TENM2: variants seen among roughly 807,000 people sequenced by gnomAD.
TENM2 encodes teneurin-2.
In TENM2, 52 loss-of-function variants were observed where a neutral mutation model predicts 245.2. The observed-to-expected ratio is 0.21, with a 90% confidence interval of 0.17 to 0.27. The LOEUF (loss-of-function observed/expected upper bound fraction) is 0.27, where lower values mean the gene tolerates loss of function less well. Ranked by LOEUF, TENM2 falls within the 10% of genes least tolerant of loss-of-function variation. TENM2 has a pLI of 1.00. For missense variants in TENM2, 3,046 were observed against 3,666.8 expected (o/e 0.83, Z 4.37); for synonymous variants, 1,363 against 1,438.9 (o/e 0.95, Z 1.19).
chr5:167,533,106 C>T (rs964442767), intron 2 of TENM2, among the ~76,000 whole-genome samples: 8 of 151,816 alleles, frequency 5.3e-5, no homozygotes, highest in East Asian at 1.9e-4. Flanking sequence ...AGACCCTCAC[C>T]GTTAGAGATA....
chr5:167,860,069 A>G (rs1243173372), intron 2 of TENM2, among the ~76,000 whole-genome samples: 10,894 of 21,070 alleles, frequency 0.52, 3,001 homozygotes, highest in Non-Finnish European at 0.74. Context: ...GGGGGGGGTC[A>G]GCCCCCCTGC....
chr5:167,660,650 C>T (rs1380276975), intron 2 of TENM2, among the ~76,000 whole-genome samples: 1 of 151,466 alleles, frequency 6.6e-6, no homozygotes, highest in East Asian at 1.9e-4. Flanking sequence ...TTTATTTTTT[C>T]AAACTTTTTG....
At chr5:167,801,285 TTGG>T (rs1171721473) in intron 2 of TENM2, among the ~76,000 whole-genome samples, 1 of 151,768 alleles carries the variant, frequency 6.6e-6, no homozygotes, top group Non-Finnish European at 1.5e-5. Context: ...TGAAAATTTC[TTGG>T]TGGCTGGTTA....
the TENM2 span, among the ~76,000 whole-genome samples, chr5:167,129,570 C>T: frequency 6.6e-6 from 1 of 152,206 alleles, no homozygotes; most frequent in South Asian, 2.1e-4. Flanking sequence ...ATTCGAGCCT[C>T]TCCTCTGATC....
chr5:167,149,039 T>C, the TENM2 span, among the ~76,000 whole-genome samples: 4 of 152,182 alleles, frequency 2.6e-5, no homozygotes, highest in Non-Finnish European at 4.4e-5. Context: ...TTTTTATACT[T>C]TAAGTTTTAG....
the TENM2 span, among the ~76,000 whole-genome samples, chr5:167,076,045 T>C: frequency 6.6e-6 from 1 of 152,220 alleles, no homozygotes; most frequent in Non-Finnish European, 1.5e-5. Flanking sequence ...AAGTTTTAAA[T>C]GCCATTCTCT....
intron 2 of TENM2, among the ~76,000 whole-genome samples, chr5:167,873,843 T>A (rs557422297): frequency 1.3e-5 from 2 of 151,334 alleles, no homozygotes; most frequent in African/African-American, 4.9e-5. Context: ...ATGAATGGAG[T>A]TTTTCAAGTC....
At chr5:168,213,676 G>C (rs1057380258) in intron 20 of TENM2, among the ~76,000 whole-genome samples, 2 of 148,296 alleles carry the variant, frequency 1.3e-5, no homozygotes, top group East Asian at 1.9e-4. Context: ...AAAAAAAAAA[G>C]GTTTTTAATT....
chr5:167,559,933 C>A (rs1030992769), intron 2 of TENM2, among the ~76,000 whole-genome samples: 2 of 152,166 alleles, frequency 1.3e-5, no homozygotes, highest in African/African-American at 4.8e-5. Flanking sequence ...GCTCCAAGTG[C>A]AGGGCTGACA....
chr5:167,776,593 GAAAAAAAAAAAA>G (rs869252752), intron 2 of TENM2, among the ~76,000 whole-genome samples: 978 of 36,090 alleles, frequency 0.027, 39 homozygotes, highest in Non-Finnish European at 0.033. Flanking sequence ...GACCCTGTCT[GAAAAAAAAAAAA>G]AAAAAAAAAA....
chr5:167,827,154 C>T (rs543174144), intron 2 of TENM2, among the ~76,000 whole-genome samples: 27 of 152,248 alleles, frequency 1.8e-4, no homozygotes, highest in Non-Finnish European at 2.9e-4. Flanking sequence ...AACCAGATAA[C>T]GAAAAAATCC....
intron 12 of TENM2, among the ~76,000 whole-genome samples, chr5:168,155,202 C>T (rs183296394): frequency 5.1e-4 from 78 of 152,192 alleles, no homozygotes; most frequent in Non-Finnish European, 3.1e-4. Flanking sequence ...TAAATGGCTA[C>T]CTGAACCCCT....
At chr5:167,979,647 A>G (rs761072430) in intron 4 of TENM2, among the ~76,000 whole-genome samples, 4 of 152,230 alleles carry the variant, frequency 2.6e-5, no homozygotes, top group Non-Finnish European at 5.9e-5. Context: ...TTCCAAAATC[A>G]TTAGGTATCT....
the TENM2 span, among the ~76,000 whole-genome samples, chr5:167,226,441 G>C: frequency 9.9e-5 from 15 of 151,956 alleles, no homozygotes; most frequent in East Asian, 1.2e-3. Context: ...GTATCCATGT[G>C]CTTGTATAGT....
intron 2 of TENM2, among the ~76,000 whole-genome samples, chr5:167,693,546 G>C (rs1757566482): frequency 6.9e-6 from 1 of 145,790 alleles, no homozygotes; most frequent in African/African-American, 2.5e-5. Context: ...CTTAGGAGTT[G>C]TTACTGGAAG....
At chr5:167,694,272 G>A (rs987926631) in intron 2 of TENM2, among the ~76,000 whole-genome samples, 5 of 152,146 alleles carry the variant, frequency 3.3e-5, no homozygotes, top group Admixed American at 6.5e-5. Flanking sequence ...TATGTTGGAA[G>A]CACCTGGGGA....
At chr5:167,334,974 T>C (rs72829322) in intron 1 of TENM2, among the ~76,000 whole-genome samples, 5,931 of 152,312 alleles carry the variant, frequency 0.039, 167 homozygotes, top group Non-Finnish European at 0.058. Context: ...CCTCTCAGGT[T>C]ATCATAAATA....
chr5:167,366,179 TAAAG>T (rs1760043234), intron 1 of TENM2, among the ~76,000 whole-genome samples: 3 of 151,862 alleles, frequency 2.0e-5, no homozygotes, highest in Admixed American at 2.0e-4. Flanking sequence ...GGAATGAAAA[TAAAG>T]ACAGTATTCT....
At chr5:167,756,696 T>A (rs951928536) in intron 2 of TENM2, among the ~76,000 whole-genome samples, 1 of 152,138 alleles carries the variant, frequency 6.6e-6, no homozygotes, top group Non-Finnish European at 1.5e-5. Context: ...ACAAGCATAG[T>A]GTTCTCTCAA....
Sources: gnomAD v4.1 joint callset for allele counts (sites outside exome capture counted in the v4.1 genomes callset) on GRCh38, gnomAD v4.1.1 for gene constraint, MANE v1.5 for transcripts, NCBI Gene and HGNC (gene_info 2026-07-23, HGNC 2026-07-21) for gene names.